The following SNTG2 variants were observed in gnomAD, a reference collection of about 807,000 sequenced individuals.
SNTG2 encodes gamma-2-syntrophin.
SNTG2 carries 74 observed loss-of-function variants against 70.9 expected under a neutral mutation model. The observed-to-expected ratio is 1.04, with a 90% CI of 0.86 to 1.27. The LOEUF (loss-of-function observed/expected upper bound fraction) is 1.27. Among genes scored for constraint, SNTG2 ranks in the 50% most tolerant of loss-of-function variants. SNTG2 has a pLI of 0.00. For missense variants in SNTG2, 717 were observed against 690.7 expected, an observed-to-expected ratio of 1.04 and a Z score of -0.43; for synonymous variants, 278 against 273.8, an observed-to-expected ratio of 1.02 and a Z score of -0.15.
At position 1,151,555 on chromosome 2, in the gene SNTG2, C is replaced by T. The variant is rs756001387; in HGVS notation, c.411+13746C>T. Among the ~76,000 whole-genome samples, 182 of 152,316 alleles carry T rather than the reference C, an allele frequency of 1.2e-3. 1 individual carries two copies. Among genetic ancestry groups the T allele is most frequent in the Non-Finnish European group, 2.1e-3 (145 of 68,034 alleles). On this transcript the variant is annotated intron_variant, in intron 6 of 16. Transcript: ENST00000308624. The stretch of plus-strand genomic sequence containing the variant: ...CCCCTAGATTGAAGCGCGATGCCCA[C>T]GTGCGCCCCTTGCTTGTGACCTCTG...
At position 1,106,300 on chromosome 2, in the gene SNTG2, T is replaced by C. The variant is rs1163990895; in HGVS notation, c.325+7890T>C. On this transcript the variant is annotated intron_variant, in intron 4 of 16. Coordinates refer to ENST00000308624, the MANE Select transcript of SNTG2 (RefSeq NM_018968.4). ...TAGTGGATGTGTGCTGTCACTCGGGTGCAGGGTATGGAGAGCTCCTTGATA... is the reference window on the plus strand; with the variant it reads ...TAGTGGATGTGTGCTGTCACTCGGGCGCAGGGTATGGAGAGCTCCTTGATA... Among the ~76,000 whole-genome samples the C allele has an allele frequency of 1.7e-5, 2 of 119,780 alleles. 1 individual carries two copies. The highest frequency in any genetic ancestry group is 3.5e-5 in the Non-Finnish European group (2 of 57,960). The allele number at this position is 119,780 out of a possible 152,430, so 78.6% of individuals were successfully genotyped here. A position where few individuals can be genotyped will look rare whatever the true frequency, so the allele number is the denominator to read the frequency against.
Position 1,086,383 on chromosome 2 carries a change from T to C in SNTG2, c.210+2728T>C, listed in dbSNP as rs1435736517. On this transcript the variant is annotated intron_variant, in intron 2 of 16. Coordinates refer to ENST00000308624, the MANE Select transcript of SNTG2 (RefSeq NM_018968.4). ...AAAGTCAGATCTTCTGTGAGTGAAC[T>C]TGAAAAACAATCTGTCCCTTAGAAA... Among the ~76,000 whole-genome samples, 4 of 152,162 alleles carry C rather than the reference T, an allele frequency of 2.6e-5. No individual in the cohort carries two copies. In the East Asian group the frequency reaches 7.7e-4, roughly 29 times the overall value.
intron 16 of SNTG2, among the ~76,000 whole-genome samples, chr2:1,352,748 C>G (rs1290314560): frequency 3.3e-5 from 5 of 152,172 alleles, no homozygotes; most frequent in Admixed American, 6.5e-5. Context: ...AACACATTGG[C>G]CTTGTCACCT....
At chr2:962,431 T>C (rs11903404) in intron 1 of SNTG2, among the ~76,000 whole-genome samples, 94,074 of 151,860 alleles carry the variant, frequency 0.62, 30,127 homozygotes, top group Non-Finnish European at 0.68. Context: ...GTTCTGGATC[T>C]GGATCTGCCT....
At position 1,347,200 on chromosome 2, in the gene SNTG2, C is replaced by T. The variant is rs1283076470; in HGVS notation, c.1489-20143C>T. ...TAACAGGCAGGGGCTCTGGTCCCAG[C>T]ACTAACCCTACCCAGGCATCACCAT... is the stretch of plus-strand genomic sequence containing the variant. On this transcript the variant is annotated intron_variant, in intron 16 of 16. Coordinates refer to ENST00000308624, the MANE Select transcript of SNTG2 (RefSeq NM_018968.4). 2.0e-5 allele frequency among the ~76,000 whole-genome samples: 3 copies of T among 152,256 alleles called. No homozygotes were observed. In the East Asian group the frequency reaches 5.8e-4, roughly 29 times the overall value.
rs886611534 is a variant in SNTG2, at chr2:1,113,202, G to A, written c.325+14792G>A. 8.5e-3 allele frequency among the ~76,000 whole-genome samples: 794 copies of A among 92,946 alleles called. 7 individuals are homozygous for A. The highest frequency in any genetic ancestry group is 0.018 in the African/African-American group (461 of 25,448). The allele number at this position is 92,946 out of a possible 152,430, so 61.0% of individuals were successfully genotyped here. On this transcript the variant is annotated intron_variant, in intron 4 of 16. Coordinates refer to ENST00000308624, the MANE Select transcript of SNTG2 (RefSeq NM_018968.4). ...CCCTTACAGTCCTTTGAGAAGGATC[G>A]TGTGTACTGAGGATTAACCTTTACA...
rs567901150 is a variant in SNTG2 at position 1,030,525 on chromosome 2, C to T, written c.73-52993C>T. Among the ~76,000 whole-genome samples the T allele has an allele frequency of 3.5e-4, 53 of 152,278 alleles. No homozygotes were observed. In the South Asian group the frequency reaches 9.8e-3, roughly 28 times the overall value. On this transcript the variant is annotated intron_variant, in intron 1 of 16. Transcript: ENST00000308624. ...ATTAAACAACACCGAGCTGTCCACA[C>T]GTGTGCCAGTGAGCATTTGATGGTC...
At chr2:991,407 A>ACACACACACACACACACT (rs1553305482) in intron 1 of SNTG2, among the ~76,000 whole-genome samples, 5 of 151,122 alleles carry the variant, frequency 3.3e-5, no homozygotes, top group Admixed American at 6.6e-5. Flanking sequence ...ACACACACAC[A>ACACACACACACACACACT]ATTATGACTT....
intron 1 of SNTG2, 69 bp downstream of exon 1, chr2:951,137 C>G: frequency 8.7e-6 from 6 of 686,238 alleles, no homozygotes; most frequent in Non-Finnish European, 1.2e-5. Flanking sequence ...CCTTCTCCCC[C>G]CGCCCCTCCT....
chr2:1,142,034 G>A (rs1316877593), intron 6 of SNTG2, among the ~76,000 whole-genome samples: 1 of 152,176 alleles, frequency 6.6e-6, no homozygotes, highest in Non-Finnish European at 1.5e-5. Flanking sequence ...AGTACAAAGA[G>A]TTGGTGGGCT....
At chr2:1,269,795 G>T (rs1465502200) in intron 14 of SNTG2, among the ~76,000 whole-genome samples, 1 of 152,178 alleles carries the variant, frequency 6.6e-6, no homozygotes, top group Non-Finnish European at 1.5e-5. Context: ...AATAATCCAG[G>T]ATTGAGATAA....
At chr2:1,222,139 C>G (rs75447449) in intron 9 of SNTG2, among the ~76,000 whole-genome samples, 4 of 116,114 alleles carry the variant, frequency 3.4e-5, no homozygotes, top group African/African-American at 5.4e-5. Flanking sequence ...CTCTCTGTCT[C>G]TCTCTGTCTC....
intron 6 of SNTG2, among the ~76,000 whole-genome samples, chr2:1,140,548 C>G (rs1053814750): frequency 6.6e-6 from 1 of 152,220 alleles, no homozygotes; most frequent in Admixed American, 6.5e-5. Flanking sequence ...GACCACTGAT[C>G]CCGAGTGAGG....
intron 1 of SNTG2, 39 bp downstream of exon 1, chr2:951,107 C>G: frequency 9.2e-7 from 1 of 1,084,616 alleles, no homozygotes; most frequent in Non-Finnish European, 1.2e-6. Flanking sequence ...CCTCCGGCCC[C>G]CCTTCCCTCT....
chr2:1,270,923 C>T (rs1301892952), intron 14 of SNTG2, among the ~76,000 whole-genome samples: 1 of 152,186 alleles, frequency 6.6e-6, no homozygotes, highest in Non-Finnish European at 1.5e-5. Context: ...CGTGTTCATT[C>T]CTTCTCTAAA....
chr2:1,295,996 C>G (rs1193564756), intron 14 of SNTG2, among the ~76,000 whole-genome samples: 2 of 151,000 alleles, frequency 1.3e-5, no homozygotes, highest in African/African-American at 4.9e-5. Flanking sequence ...GTGGGAGGGC[C>G]AGGCAGACGT....
intron 8 of SNTG2, among the ~76,000 whole-genome samples, chr2:1,195,661 A>G (rs1016193720): frequency 2.0e-5 from 3 of 152,120 alleles, no homozygotes; most frequent in African/African-American, 4.8e-5. Flanking sequence ...ATTTTCTCCC[A>G]TTCTGTAGGC....
intron 6 of SNTG2, among the ~76,000 whole-genome samples, chr2:1,143,888 C>A (rs76126991): frequency 0.067 from 9,674 of 144,334 alleles, 482 homozygotes; most frequent in Admixed American, 0.11. Flanking sequence ...ACAAACAACC[C>A]CCCCCCAGAA....
chr2:1,040,430 G>A (rs553729669), intron 1 of SNTG2, among the ~76,000 whole-genome samples: 2 of 152,004 alleles, frequency 1.3e-5, no homozygotes, highest in African/African-American at 4.8e-5. Context: ...TCCCCTTCCC[G>A]CCACCTCTGC....
Sources: gnomAD v4.1 joint callset for allele counts (sites outside exome capture counted in the v4.1 genomes callset) on GRCh38, gnomAD v4.1.1 for gene constraint, MANE v1.5 for transcripts, NCBI Gene and HGNC (gene_info 2026-07-23, HGNC 2026-07-21) for gene names.